The following DMXL2 variants were observed in gnomAD, a reference collection of about 807,000 sequenced individuals.
DMXL2 encodes the protein dmX-like protein 2.
A neutral mutation model predicts 331.1 loss-of-function variants in DMXL2; 103 were observed. The ratio of observed to expected loss-of-function variants is 0.31; its 90% CI spans 0.27 to 0.37. The LOEUF (loss-of-function observed/expected upper bound fraction) is 0.37. Ranked by LOEUF, DMXL2 falls within the 10% of genes least tolerant of loss-of-function variation. DMXL2 has a pLI of 1.00. For synonymous variants in DMXL2, 1,281 were observed against 1,252.1 expected (o/e 1.02, Z -0.49); for missense variants, 3,171 against 3,642.9 (o/e 0.87, Z 3.33).
chr15:51,460,467 T>C, intron 33 of DMXL2: 2 of 700,050 alleles, frequency 2.9e-6, no homozygotes, highest in Non-Finnish European at 3.5e-6. Flanking sequence ...GAAGAATCTA[T>C]TTGTCTTAAC....
intron 2 of DMXL2, among the ~76,000 whole-genome samples, chr15:51,572,821 C>G (rs932676654): frequency 5.9e-5 from 9 of 152,128 alleles, no homozygotes; most frequent in African/African-American, 2.2e-4. Flanking sequence ...AAACCCACAG[C>G]CAATATCATA....
intron 1 of DMXL2, among the ~76,000 whole-genome samples, chr15:51,600,443 C>A (rs896432657): frequency 1.3e-5 from 2 of 152,196 alleles, no homozygotes; most frequent in Admixed American, 6.5e-5. Context: ...TGGTTAAGAA[C>A]ACCCTGGACC....
At chr15:51,455,011 G>C in intron 40 of DMXL2, 140 bp downstream of exon 40, 1 of 678,072 alleles carries the variant, frequency 1.5e-6, no homozygotes, top group Non-Finnish European at 2.7e-6. Context: ...GTAAGGATGG[G>C]TGCTGCTGTC....
chr15:51,484,747 C>T (rs962434954), intron 23 of DMXL2, among the ~76,000 whole-genome samples: 27 of 152,068 alleles, frequency 1.8e-4, no homozygotes, highest in African/African-American at 6.5e-4. Flanking sequence ...ACATGAAATG[C>T]CAGAAAAATA....
At chr15:51,591,739 G>A (rs2052358888) in intron 1 of DMXL2, among the ~76,000 whole-genome samples, 1 of 152,110 alleles carries the variant, frequency 6.6e-6, no homozygotes, top group Non-Finnish European at 1.5e-5. Flanking sequence ...AACTTCCAGA[G>A]GAACGATCCG....
intron 29 of DMXL2, among the ~76,000 whole-genome samples, chr15:51,467,144 A>T (rs1177219647): frequency 5.3e-5 from 8 of 152,058 alleles, no homozygotes; most frequent in Admixed American, 5.2e-4. Flanking sequence ...TAAATAAGAG[A>T]ATTAAAAGTT....
chr15:51,622,515 C>A lies in DMXL2; in HGVS notation c.31G>T (p.Val11Phe). The A allele has an allele frequency of 6.4e-7, 1 of 1,567,140 alleles. No individual in the cohort carries two copies. The highest frequency in any genetic ancestry group is 2.4e-5 in the East Asian group (1 of 41,888). Residue 11 changes from valine (V) to phenylalanine (F), a missense_variant, in exon 1 of 44, where the codon GTC becomes TTC. Around this residue, in one of 7 missense-constraint regions of DMXL2, gnomAD observed 1,674 missense variants for 1,780.2 expected, o/e 0.94. Transcript: ENST00000560891. ...GAGTAGCAGTTGTCTCCAGGGTTGACAGCTCCGGTGAGGACCTGATGCAGA... is the reference window on the plus strand; with the variant it reads ...GAGTAGCAGTTGTCTCCAGGGTTGAAAGCTCCGGTGAGGACCTGATGCAGA... Reference protein sequence around the residue: MHLHQVLTGAVNPGDNCYSVG... With the variant: MHLHQVLTGAFNPGDNCYSVG...
chr15:51,465,987 C>T (rs2040533033), intron 30 of DMXL2, among the ~76,000 whole-genome samples, 197 bp downstream of exon 30: 2 of 152,068 alleles, frequency 1.3e-5, no homozygotes, highest in South Asian at 4.2e-4. Flanking sequence ...TTGCACTCTC[C>T]ATAAAAGCTA....
intron 1 of DMXL2, among the ~76,000 whole-genome samples, chr15:51,618,693 T>C (rs977302223): frequency 6.6e-6 from 1 of 152,208 alleles, no homozygotes; most frequent in Non-Finnish European, 1.5e-5. Flanking sequence ...AAAGTAACTT[T>C]TGCAAAGAAA....
chr15:51,495,310 A>T (rs1006064868), intron 18 of DMXL2, among the ~76,000 whole-genome samples, 176 bp from the exon 19 acceptor site: 1 of 152,178 alleles, frequency 6.6e-6, no homozygotes, highest in Non-Finnish European at 1.5e-5. Flanking sequence ...ACAAAAAAAA[A>T]TGTGACTACT....
intron 1 of DMXL2, among the ~76,000 whole-genome samples, chr15:51,592,707 C>T (rs1047367958): frequency 6.6e-6 from 1 of 152,248 alleles, no homozygotes; most frequent in East Asian, 1.9e-4. Flanking sequence ...AGACTAACAG[C>T]TGATCTCTCG....
chr15:51,505,057 A>G (rs943848763), intron 16 of DMXL2, among the ~76,000 whole-genome samples: 5 of 152,206 alleles, frequency 3.3e-5, no homozygotes, highest in African/African-American at 9.6e-5. Context: ...ATCTATTCAC[A>G]TATATAAAGC....
Position 51,516,946 on chromosome 15 carries a change from G to A in DMXL2, c.2526+132C>T, listed in dbSNP as rs2047069231. On this transcript the variant is annotated intron_variant, in intron 14 of 43. Transcript: ENST00000560891. ...TAAATCATTAGTAGATTTTCACTAT[G>A]GGAATCAACATAAGTTGTCTGCATT... 5 of 717,502 alleles carry A rather than the reference G, an allele frequency of 7.0e-6. No individual in the cohort carries two copies. In the Middle Eastern group the frequency reaches 7.7e-4, roughly 110 times the overall value. 44.4% of individuals were successfully genotyped at this position (717,502 alleles called of 1,614,324 possible).
chr15:51,487,235 A>G (rs775424518), intron 22 of DMXL2, among the ~76,000 whole-genome samples: 1 of 152,172 alleles, frequency 6.6e-6, no homozygotes, highest in Non-Finnish European at 1.5e-5. Context: ...CTATTATAAA[A>G]CAGTACAAAC....
At chr15:51,541,514 G>T (rs894789835) in intron 9 of DMXL2, among the ~76,000 whole-genome samples, 2 of 151,976 alleles carry the variant, frequency 1.3e-5, no homozygotes, top group South Asian at 2.1e-4. Context: ...GGGGCCAGTG[G>T]CTACTCTATA....
chr15:51,474,486 C>T lies in DMXL2; in HGVS notation c.7071G>A (p.Leu2357=), dbSNP rs146625172. Residue 2357 remains leucine, a synonymous_variant, in exon 28 of 44, where the codon TTG becomes TTA. Coordinates refer to ENST00000560891, the MANE Select transcript of DMXL2 (RefSeq NM_001378457.1). The stretch of plus-strand genomic sequence containing the variant: ...AGGAATTTGTGGCAAGAGCATGTAT[C>T]AATAAACTTAAGTAAACAGCAACAA... ...EAVVAVYLSL[L]IHALATNSSS... is the part of the protein sequence containing the mutation. The T allele has an allele frequency of 1.9e-3, 3,044 of 1,614,112 alleles. 90 individuals are homozygous for T. In the Admixed American group the frequency reaches 0.048, roughly 26 times the overall value.
At chr15:51,553,736 T>G (rs2049367061) in intron 6 of DMXL2, among the ~76,000 whole-genome samples, 1 of 152,168 alleles carries the variant, frequency 6.6e-6, no homozygotes, top group South Asian at 2.1e-4. Context: ...AGTAACATTT[T>G]TCTTCTCTTC....
At chr15:51,614,063 A>G (rs2054137600) in intron 1 of DMXL2, among the ~76,000 whole-genome samples, 1 of 152,228 alleles carries the variant, frequency 6.6e-6, no homozygotes, top group African/African-American at 2.4e-5. Context: ...AAGAGGTAAT[A>G]TAAGGTTAAA....
At chr15:51,488,686 A>C (rs1303253433) in intron 20 of DMXL2, 41 bp from the exon 21 acceptor site, 2 of 1,497,878 alleles carry the variant, frequency 1.3e-6, no homozygotes, top group South Asian at 2.3e-5. Flanking sequence ...ATTTGACATA[A>C]GAATTACAAT....
Sources: gnomAD v4.1 joint callset for allele counts (sites outside exome capture counted in the v4.1 genomes callset) on GRCh38, gnomAD v4.1.1 for gene constraint, gnomAD v4.1.1 regional missense constraint, MANE v1.5 for transcripts, NCBI Gene and HGNC (gene_info 2026-07-23, HGNC 2026-07-21) for gene names.